Variants in ASPSCR1 observed in about 807,000 individuals in gnomAD.
ASPSCR1 encodes tether containing UBX domain for GLUT4.
Under a neutral mutation model 68.9 loss-of-function variants are expected in ASPSCR1, and 55 were observed. The observed-to-expected ratio is 0.80, with a 90% CI of 0.64 to 1.00. The LOEUF (loss-of-function observed/expected upper bound fraction) is 1.00. ASPSCR1 is among the 50% of genes least tolerant of loss of function. The pLI, the probability that ASPSCR1 is intolerant of heterozygous loss-of-function variation, is 0.00. For synonymous variants in ASPSCR1, 352 were observed against 332.6 expected, an observed-to-expected ratio of 1.06 and a Z score of -0.63; for missense variants, 765 against 762.2, an observed-to-expected ratio of 1.00 and a Z score of -0.04.
intron 12 of ASPSCR1, 44 bp downstream of exon 12, chr17:82,012,327 A>T: frequency 6.3e-7 from 1 of 1,583,298 alleles, no homozygotes; most frequent in Non-Finnish European, 8.7e-7. Flanking sequence ...GGGGCCCTCC[A>T]GGGAGGGCAG....
intron 9 of ASPSCR1, 97 bp from the exon 10 acceptor site, chr17:82,010,705 G>T: frequency 7.6e-7 from 1 of 1,317,828 alleles, no homozygotes; most frequent in Non-Finnish European, 1.1e-6. Context: ...CTCAGCCCTG[G>T]TGTCCATGGC....
At chr17:82,006,773 C>T (rs1362824236) in intron 7 of ASPSCR1, 1 of 152,348 alleles carries the variant, frequency 6.6e-6, no homozygotes, top group African/African-American at 2.4e-5. Context: ...CTCTGTTTTC[C>T]ATCCAAAGGC....
At chr17:82,010,279 C>G (rs957730953) in intron 9 of ASPSCR1, among the ~76,000 whole-genome samples, 2 of 150,936 alleles carry the variant, frequency 1.3e-5, no homozygotes, top group Admixed American at 1.3e-4. Flanking sequence ...CCTGTAATCC[C>G]AGCACTTTGG....
At position 82,015,155 on chromosome 17, in the gene ASPSCR1, C is replaced by T. The variant is rs1460847806; in HGVS notation, c.1354-1321C>T. 4 of 1,598,158 alleles carry T rather than the reference C, an allele frequency of 2.5e-6. No homozygotes were observed. In the African/African-American group the frequency reaches 4.0e-5, roughly 16 times the overall value. ...GCCTGGGACCAGAGCAGAGAACACG[C>T]TTGCCAGTGGTAGGAGATGGAGGCG... On this transcript the variant is annotated intron_variant, in intron 12 of 15. Coordinates refer to ENST00000306739, the MANE Select transcript of ASPSCR1 (RefSeq NM_024083.4).
rs963521197 is a variant in ASPSCR1 at position 81,999,991 on chromosome 17, A to G, written c.933+3145A>G. On this transcript the variant is annotated intron_variant, in intron 7 of 15. Transcript: ENST00000306739. This position sits in a 1 kb window ranked among gnomAD's most constrained non-coding sequence, Gnocchi z 4.4. ...AGGGTGTTGGGTCCATTCTAGGACT[A>G]TGATGGTGTTGGCACCCCATCCTCC... is the stretch of plus-strand genomic sequence containing the variant. 1.3e-5 allele frequency among the ~76,000 whole-genome samples: 2 copies of G among 152,192 alleles called. No homozygotes were observed. Among genetic ancestry groups the G allele is most frequent in the Non-Finnish European group, 2.9e-5 (2 of 68,020 alleles).
chr17:82,017,082 G>C lies in ASPSCR1; in HGVS notation c.1617G>C (p.Leu539=), dbSNP rs1194445888. The part of the protein sequence containing the change: ...PGTAQPVKRS[L]GKVPKWLKLP... ...CGGCCCAGCCCGTGAAGAGGAGCCT[G>C]GGCAAGGTGCCCAAGTGGCTGAAGC... is the stretch of plus-strand genomic sequence containing the variant. Residue 539 remains leucine (L), a synonymous_variant, in exon 15 of 16, where the codon CTG becomes CTC. Transcript: ENST00000306739. 6.2e-7 allele frequency: 1 copy of C among 1,605,678 alleles called. No individual in the cohort carries two copies. Among genetic ancestry groups the C allele is most frequent in the Non-Finnish European group, 8.5e-7 (1 of 1,177,544 alleles).
intron 7 of ASPSCR1, among the ~76,000 whole-genome samples, chr17:82,000,847 GC>G (rs2042505667): frequency 6.6e-6 from 1 of 152,200 alleles, no homozygotes; most frequent in Non-Finnish European, 1.5e-5. Flanking sequence ...GCCTCCACTG[GC>G]TGGGAGGCTG....
At chr17:82,015,837 AC>A in intron 12 of ASPSCR1, 1 of 190,718 alleles carries the variant, frequency 5.2e-6, no homozygotes, top group Non-Finnish European at 1.1e-5. Context: ...GCCCCTGCCC[AC>A]CCCACAGGCC....
At chr17:81,985,931 G>A (rs1475598077) in intron 4 of ASPSCR1, among the ~76,000 whole-genome samples, 1 of 152,064 alleles carries the variant, frequency 6.6e-6, no homozygotes, top group African/African-American at 2.4e-5. Flanking sequence ...CTGGGGGCAG[G>A]GCTCCCCATG....
intron 4 of ASPSCR1, among the ~76,000 whole-genome samples, chr17:81,989,071 G>A (rs1344356139): frequency 6.6e-6 from 1 of 152,168 alleles, no homozygotes; most frequent in African/African-American, 2.4e-5. Context: ...AGCTGGGTGT[G>A]GTGGTGAGGG....
rs1375342977 is a variant in ASPSCR1 at position 81,986,438 on chromosome 17, A to G, written c.374+831A>G. Among the ~76,000 whole-genome samples, 1 of 152,190 alleles carries G rather than the reference A, an allele frequency of 6.6e-6. No homozygotes were observed. The highest frequency in any genetic ancestry group is 1.5e-5 in the Non-Finnish European group (1 of 68,034). ...AACGAGACTCTGTCTCAAAAAAATA[A>G]ATAAATAAAAATAAGTAATTGATGT... On this transcript the variant is annotated intron_variant, in intron 4 of 15. Transcript: ENST00000306739. The surrounding 1 kb of genome is among the most constrained non-coding windows in gnomAD (Gnocchi z 5.2).
intron 4 of ASPSCR1, among the ~76,000 whole-genome samples, chr17:81,993,620 C>T (rs941973673): frequency 1.3e-5 from 2 of 152,338 alleles, no homozygotes; most frequent in South Asian, 4.1e-4. Flanking sequence ...AGGCGGAGGC[C>T]GAGAGTTCCT....
chr17:82,008,909 C>A, intron 7 of ASPSCR1, 128 bp from the exon 8 acceptor site: 1 of 1,314,392 alleles, frequency 7.6e-7, no homozygotes. Context: ...CCTGCGCTGG[C>A]CGGGGCCAGG....
chr17:81,985,062 GCA>G (rs1159884956), intron 3 of ASPSCR1, among the ~76,000 whole-genome samples: 2 of 86,906 alleles, frequency 2.3e-5, no homozygotes, highest in African/African-American at 4.9e-5. Context: ...ACACACCCAC[GCA>G]CACACCTGTA....
chr17:82,016,799 G>C lies in ASPSCR1; in HGVS notation c.1406-1G>C. ...CAGGGTGAGCTTGGGCCTCCCTGCA[G>C]GTGTCTACCTGGAGCCTGGCCTGCT... On this transcript the variant is annotated splice_acceptor_variant, in intron 13 of 15. Coordinates refer to ENST00000306739, the MANE Select transcript of ASPSCR1 (RefSeq NM_024083.4). LOFTEE classifies it high-confidence loss of function. 6.2e-7 allele frequency: 1 copy of C among 1,609,308 alleles called. No homozygotes were observed. The highest frequency in any genetic ancestry group is 1.3e-5 in the African/African-American group (1 of 75,024).
intron 12 of ASPSCR1, 146 bp from the exon 13 acceptor site, chr17:82,016,330 A>T: frequency 1.4e-6 from 1 of 709,230 alleles, no homozygotes; most frequent in Non-Finnish European, 2.3e-6. Flanking sequence ...GTCAGACAGG[A>T]AGCTGGGCGA....
At chr17:82,012,203 C>G (rs371423253) in intron 11 of ASPSCR1, 28 bp from the exon 12 acceptor site, 20 of 1,610,720 alleles carry the variant, frequency 1.2e-5, no homozygotes, top group Non-Finnish European at 1.7e-5. Flanking sequence ...ACGGTGCTTC[C>G]TAACACGTAG....
At chr17:81,998,423 T>C (rs2042426273) in intron 7 of ASPSCR1, among the ~76,000 whole-genome samples, 1 of 152,184 alleles carries the variant, frequency 6.6e-6, no homozygotes, top group South Asian at 2.1e-4. Flanking sequence ...TCTTCCTGTG[T>C]TGCAGCGAAT....
At chr17:81,981,858 G>T (rs893971429) in intron 2 of ASPSCR1, among the ~76,000 whole-genome samples, 4 of 152,180 alleles carry the variant, frequency 2.6e-5, no homozygotes, top group Non-Finnish European at 4.4e-5. Context: ...TAGTGACGGG[G>T]TTTCACCATG....
Sources: gnomAD v4.1 joint callset for allele counts (sites outside exome capture counted in the v4.1 genomes callset) on GRCh38, gnomAD v4.1.1 for gene constraint, Gnocchi (gnomAD v3.1) non-coding constraint, MANE v1.5 for transcripts, NCBI Gene and HGNC (gene_info 2026-07-23, HGNC 2026-07-21) for gene names.